Variants in DYDC1 observed in about 807,000 individuals in gnomAD.
The protein encoded by DYDC1 is DPY30 domain containing 1.
Under a neutral mutation model 27.9 loss-of-function variants are expected in DYDC1, and 21 were observed. That is an observed-to-expected ratio of 0.75 (90% CI 0.53 to 1.08). The LOEUF is 1.08. Among genes scored for constraint, DYDC1 ranks in the 50% least tolerant of loss-of-function variants. DYDC1 has a pLI of 0.00. For synonymous variants in DYDC1, 67 were observed against 65.8 expected (o/e 1.02, Z -0.09); for missense variants, 202 against 205.9 (o/e 0.98, Z 0.12).
At chr10:80,341,649 A>G (rs1842322740) in intron 4 of DYDC1, among the ~76,000 whole-genome samples, 1 of 152,008 alleles carries the variant, frequency 6.6e-6, no homozygotes, top group African/African-American at 2.4e-5. Flanking sequence ...CTCCTGACTA[A>G]AATGTTGAGG....
At position 80,356,714 on chromosome 10, in the gene DYDC1, C is replaced by T; in HGVS notation, c.-12G>A. The T allele has an allele frequency of 1.0e-6, 1 of 985,040 alleles. No individual in the cohort carries two copies. Among genetic ancestry groups the T allele is most frequent in the Non-Finnish European group, 1.2e-6 (1 of 829,560 alleles). The allele number at this position is 985,040 out of a possible 1,614,324, so 61.0% of individuals were successfully genotyped here. A position where few individuals can be genotyped will look rare whatever the true frequency, so the allele number is the denominator to read the frequency against. ...TCGGGCCTTTCCGGTGCGCTCACCC[C>T]TACACACGCGCCTGCTCGCCACCCA... On this transcript the variant is annotated splice_region_variant and 5_prime_UTR_variant, in exon 1 of 7. Transcript: ENST00000372202.
At chr10:80,346,938 G>A (rs185264672) in intron 3 of DYDC1, among the ~76,000 whole-genome samples, 3,294 of 152,134 alleles carry the variant, frequency 0.022, 50 homozygotes, top group Non-Finnish European at 0.031. Context: ...AAATTAGCCA[G>A]GTGTGGTGGC....
At chr10:80,341,186 T>C (rs1273533271) in intron 4 of DYDC1, among the ~76,000 whole-genome samples, 4 of 152,046 alleles carry the variant, frequency 2.6e-5, no homozygotes, top group Admixed American at 1.3e-4. Flanking sequence ...ATATGACTCA[T>C]AGCTTTTGGA....
chr10:80,352,927 C>T (rs150702536), intron 1 of DYDC1, among the ~76,000 whole-genome samples: 3,293 of 152,242 alleles, frequency 0.022, 50 homozygotes, highest in Non-Finnish European at 0.031. Flanking sequence ...GTAATCCTCA[C>T]AACATACCTG....
chr10:80,338,552 C>A lies in DYDC1; in HGVS notation c.419G>T (p.Gly140Val). The part of the protein sequence containing the change: ...LHSEEATLDS[G>V]KTLAEISDRY... ...ATCGCTGATTTCAGCTAGTGTTTTG[C>A]CTGAGTCTAGTGTTGCTTCCTACAA... Residue 140 changes from glycine (G) to valine (V), a missense_variant, in exon 6 of 7, where the codon GGC becomes GTC. By Grantham distance (109) the Gly-to-Val change is moderately radical. Coordinates refer to ENST00000372202, the MANE Select transcript of DYDC1 (RefSeq NM_001269053.2). The A allele has an allele frequency of 1.9e-6, 3 of 1,607,054 alleles. No individual in the cohort carries two copies. The highest frequency in any genetic ancestry group is 2.5e-6 in the Non-Finnish European group (3 of 1,177,436).
At chr10:80,353,354 G>A (rs1436239286) in intron 1 of DYDC1, among the ~76,000 whole-genome samples, 2 of 151,558 alleles carry the variant, frequency 1.3e-5, no homozygotes, top group Admixed American at 6.6e-5. Flanking sequence ...AGTAGAGACA[G>A]GGTTTCACTG....
chr10:80,342,738 T>A (rs1842377290), intron 3 of DYDC1, among the ~76,000 whole-genome samples: 1 of 152,128 alleles, frequency 6.6e-6, no homozygotes, highest in Admixed American at 6.5e-5. Context: ...CCCAGCACTT[T>A]GAGAAGCCAA....
chr10:80,352,736 G>C (rs1036892659), intron 1 of DYDC1, 126 bp from the exon 2 acceptor site: 9 of 1,193,838 alleles, frequency 7.5e-6, no homozygotes, highest in East Asian at 6.2e-5. Flanking sequence ...CCTCCCATTG[G>C]GGGTGTCACA....
At chr10:80,341,504 A>G (rs969660564) in intron 4 of DYDC1, among the ~76,000 whole-genome samples, 3 of 151,816 alleles carry the variant, frequency 2.0e-5, no homozygotes, top group African/African-American at 7.3e-5. Context: ...TATTTTAATG[A>G]AAGTCCATGT....
chr10:80,337,989 C>T, intron 6 of DYDC1: 3 of 745,556 alleles, frequency 4.0e-6, no homozygotes, highest in Non-Finnish European at 4.9e-6. Flanking sequence ...TGACAATAAA[C>T]TCCATAAGGT....
At chr10:80,347,589 T>C (rs1842747055) in intron 3 of DYDC1, among the ~76,000 whole-genome samples, 1 of 152,226 alleles carries the variant, frequency 6.6e-6, no homozygotes, top group South Asian at 2.1e-4. Flanking sequence ...GTTTCAGGTC[T>C]TCCATTTAGG....
At chr10:80,355,353 A>G (rs553432029) in intron 1 of DYDC1, among the ~76,000 whole-genome samples, 177 of 152,106 alleles carry the variant, frequency 1.2e-3, no homozygotes, top group Non-Finnish European at 1.9e-3. Context: ...ATTTTATGCC[A>G]TAACTATGTG....
intron 3 of DYDC1, among the ~76,000 whole-genome samples, chr10:80,346,311 T>C (rs1842618918): frequency 6.6e-6 from 1 of 152,214 alleles, no homozygotes; most frequent in Non-Finnish European, 1.5e-5. Context: ...TACTGGGTCA[T>C]ATGGTAGCTT....
chr10:80,348,086 A>C (rs981919932), intron 3 of DYDC1, among the ~76,000 whole-genome samples: 18 of 152,178 alleles, frequency 1.2e-4, no homozygotes, highest in African/African-American at 4.3e-4. Flanking sequence ...TGATATATGA[A>C]CACAAGATAT....
chr10:80,340,132 G>A (rs1842269599), intron 4 of DYDC1, among the ~76,000 whole-genome samples: 1 of 152,212 alleles, frequency 6.6e-6, no homozygotes, highest in African/African-American at 2.4e-5. Flanking sequence ...GTGAAAGAGC[G>A]AAACTAATAA....
chr10:80,351,966 C>T lies in DYDC1; in HGVS notation c.184G>A (p.Glu62Lys), dbSNP rs1843011065. ...ATTTCCTGCTCCATCAGAGCTAATT[C>T]TCTTTCACGCTCCAGCTTGGCCATT... ...KEMAKLERER[E>K]LALMEQEMME... The change falls in exon 3 of 7, where the codon GAA becomes AAA. Residue 62 changes from glutamate (E) to lysine (K), a missense_variant. Transcript: ENST00000372202. 2 of 1,614,156 alleles carry T rather than the reference C, an allele frequency of 1.2e-6. No individual in the cohort carries two copies. Among genetic ancestry groups the T allele is most frequent in the Non-Finnish European group, 1.7e-6 (2 of 1,180,036 alleles).
chr10:80,347,054 T>C (rs1430984627), intron 3 of DYDC1, among the ~76,000 whole-genome samples: 2 of 151,272 alleles, frequency 1.3e-5, no homozygotes. Flanking sequence ...CACTCCAGCC[T>C]GGGTGAAAGA....
In DYDC1 at chr10:80,336,119, C is replaced by A. The variant is rs1333078126; in HGVS notation, c.*37G>T. 2 of 1,355,326 alleles carry A rather than the reference C, an allele frequency of 1.5e-6. No individual in the cohort carries two copies. The highest frequency in any genetic ancestry group is 2.1e-6 in the Non-Finnish European group (2 of 970,522). 84.0% of individuals were successfully genotyped at this position (1,355,326 alleles called of 1,614,324 possible). The stretch of plus-strand genomic sequence containing the variant: ...GAACCTCATGGTTTGAAATTTGAAA[C>A]AAACAAAAACATTTATTGCTCTTAG... On this transcript the variant is annotated 3_prime_UTR_variant, in exon 7 of 7. Transcript: ENST00000372202.
intron 3 of DYDC1, among the ~76,000 whole-genome samples, chr10:80,348,863 TA>T (rs1358277792): frequency 1.3e-5 from 2 of 152,180 alleles, no homozygotes; most frequent in Non-Finnish European, 2.9e-5. Context: ...ATGAAATGCA[TA>T]AAACCTCATT....
Sources: gnomAD v4.1 joint callset for allele counts (sites outside exome capture counted in the v4.1 genomes callset) on GRCh38, gnomAD v4.1.1 for gene constraint, MANE v1.5 for transcripts, NCBI Gene and HGNC (gene_info 2026-07-23, HGNC 2026-07-21) for gene names.